Variants in RICTOR observed in about 807,000 individuals in gnomAD.
RICTOR encodes RPTOR independent companion of MTOR complex 2, also known as rapamycin-insensitive companion of mTOR.
Under a neutral mutation model 214.9 loss-of-function variants are expected in RICTOR, and 49 were observed. The ratio of observed to expected loss-of-function variants is 0.23; its 90% CI spans 0.18 to 0.29. The LOEUF is 0.29. Among genes scored for constraint, RICTOR ranks in the 10% least tolerant of loss-of-function variants. The pLI is 1.00. For missense variants in RICTOR, 1,625 were observed against 2,047.0 expected, an observed-to-expected ratio of 0.79 and a Z score of 3.98; for synonymous variants, 717 against 711.3, an observed-to-expected ratio of 1.01 and a Z score of -0.13.
At chr5:38,962,837 G>C (rs765945680) in intron 17 of RICTOR, 39 bp downstream of exon 17, 10 of 1,531,250 alleles carry the variant, frequency 6.5e-6, no homozygotes, top group Non-Finnish European at 9.0e-6. Flanking sequence ...GAATTAAGAT[G>C]TTGTGTTTAA....
At chr5:38,954,528 T>C (rs1389072696) in intron 27 of RICTOR, among the ~76,000 whole-genome samples, 1 of 151,900 alleles carries the variant, frequency 6.6e-6, no homozygotes, top group Non-Finnish European at 1.5e-5. Flanking sequence ...TTACTCTACA[T>C]AACAAGTTAG....
intron 3 of RICTOR, among the ~76,000 whole-genome samples, chr5:39,013,520 G>T (rs1754706985): frequency 6.6e-6 from 1 of 152,038 alleles, no homozygotes. Flanking sequence ...AAATGATCAA[G>T]TTTTAAAAAA....
chr5:38,938,072 G>T lies in RICTOR; in HGVS notation c.*4232C>A. On this transcript the variant is annotated 3_prime_UTR_variant, in exon 38 of 38. Coordinates refer to ENST00000357387, the MANE Select transcript of RICTOR (RefSeq NM_152756.5). The stretch of plus-strand genomic sequence containing the variant: ...AATCAAGGTGAGCAAAACCATTTGG[G>T]GACAAATCTTATTTAAATTATACAC... The T allele has an allele frequency of 4.9e-6, 1 of 204,730 alleles. No homozygotes were observed. The highest frequency in any genetic ancestry group is 1.0e-5 in the Non-Finnish European group (1 of 99,992). 12.7% of individuals were successfully genotyped at this position (204,730 alleles called of 1,614,324 possible).
Position 38,990,704 on chromosome 5 carries a change from G to GATATATCATATATATGATATATATCAGAT in RICTOR, c.583+244_583+245insATCTGATATATATCATATATATGATATAT, listed in dbSNP as rs370197935. Among the ~76,000 whole-genome samples the GATATATCATATATATGATATATATCAGAT allele has an allele frequency of 5.5e-4, 25 of 45,266 alleles. 3 individuals carry two copies. Among genetic ancestry groups the GATATATCATATATATGATATATATCAGAT allele is most frequent in the African/African-American group, 1.9e-3 (25 of 13,164 alleles). 29.7% of individuals were successfully genotyped at this position (45,266 alleles called of 152,430 possible). A position where few individuals can be genotyped will look rare whatever the true frequency, so the allele number is the denominator to read the frequency against. On this transcript the variant is annotated intron_variant, in intron 7 of 37. Transcript: ENST00000357387. ...TATATCATATATATGATATATATCA[G>GATATATCATATATATGATATATATCAGAT]ATATGATATATATGATATATATCAT...
intron 3 of RICTOR, among the ~76,000 whole-genome samples, chr5:39,004,876 C>T (rs557775631): frequency 2.0e-4 from 30 of 149,442 alleles, no homozygotes; most frequent in East Asian, 6.0e-4. Flanking sequence ...CCGCCTCCCA[C>T]GTTCAAGCGA....
At chr5:39,034,332 G>A (rs1756496373) in intron 2 of RICTOR, among the ~76,000 whole-genome samples, 1 of 152,172 alleles carries the variant, frequency 6.6e-6, no homozygotes, top group Admixed American at 6.5e-5. Flanking sequence ...ATAATTTTGG[G>A]GGTGGAGCCA....
rs1299910083 is a variant in RICTOR, at chr5:39,074,355, C to G, written c.23G>C (p.Arg8Pro). Residue 8 changes from arginine (R) to proline (P), a missense_variant, in exon 1 of 38, where the codon CGC becomes CCC. Around this residue, in one of 5 missense-constraint regions of RICTOR, gnomAD observed 71 missense variants for 57.9 expected, o/e 1.23. Transcript: ENST00000357387. ...TCGTACTCGGAGGTTCTTCAGAGAG[C>G]GGCCGCGGCCGATCGCCGCCATATT... Reference protein sequence around the residue: MAAIGRGRSLKNLRVRGR... With the variant: MAAIGRGPSLKNLRVRGR... 1 of 1,536,548 alleles carries G rather than the reference C, an allele frequency of 6.5e-7. No individual in the cohort carries two copies. Among genetic ancestry groups the G allele is most frequent in the African/African-American group, 1.4e-5 (1 of 71,456 alleles).
chr5:39,050,199 A>AT (rs1554011696), intron 2 of RICTOR, among the ~76,000 whole-genome samples: 4,826 of 148,422 alleles, frequency 0.033, 125 homozygotes, highest in South Asian at 0.077. Context: ...TAAATAAATA[A>AT]ATATATATAT....
In RICTOR at chr5:38,958,474, G is replaced by A. The variant is rs746929387; in HGVS notation, c.2389C>T (p.Leu797Phe). Reference sequence around the variant, plus strand: ...AGGAGAAGCAAACCCTTGTCTCCAAGGTGGGATAACGCTGGTTTCATCTGA... The same window carrying A: ...AGGAGAAGCAAACCCTTGTCTCCAAAGTGGGATAACGCTGGTTTCATCTGA... ...LIQMKPALSH[L>F]GDKGLLLLLR... The change falls in exon 24 of 38, where the codon CTT becomes TTT. Residue 797 changes from leucine (L) to phenylalanine (F), a missense_variant. Physicochemically the swap from Leu to Phe is conservative, Grantham distance 22. This residue lies in a region of RICTOR where 1,214 missense variants were observed against 1,470.5 expected (regional missense o/e 0.83). Transcript: ENST00000357387. 1 of 1,611,646 alleles carries A rather than the reference G, an allele frequency of 6.2e-7. No homozygotes were observed. Among genetic ancestry groups the A allele is most frequent in the South Asian group, 1.1e-5 (1 of 91,036 alleles).
chr5:38,953,214 G>C (rs1748946402), intron 28 of RICTOR, 123 bp from the exon 29 acceptor site: 3 of 664,980 alleles, frequency 4.5e-6, no homozygotes, highest in Non-Finnish European at 7.8e-6. Flanking sequence ...GCCTCCTCAA[G>C]TACAAAACAT....
intron 7 of RICTOR, among the ~76,000 whole-genome samples, chr5:38,990,079 T>C (rs1283406158): frequency 6.6e-6 from 1 of 152,140 alleles, no homozygotes; most frequent in African/African-American, 2.4e-5. Flanking sequence ...TACAAAAGGT[T>C]TGGAACCACC....
chr5:38,998,883 G>A (rs897998950), intron 5 of RICTOR, among the ~76,000 whole-genome samples: 1 of 151,604 alleles, frequency 6.6e-6, no homozygotes, highest in African/African-American at 2.4e-5. Flanking sequence ...AGGCGTGGTG[G>A]TGCGCACCCG....
At chr5:38,982,445 A>T (rs1297150309) in intron 7 of RICTOR, among the ~76,000 whole-genome samples, 2 of 152,210 alleles carry the variant, frequency 1.3e-5, no homozygotes, top group Non-Finnish European at 2.9e-5. Context: ...CACACAGTTT[A>T]ATAATTTTAA....
rs536695521 is a variant in RICTOR, at chr5:39,035,615, A to T, written c.98-14479T>A. ...TGGCTAACTAGAATAACCAAAGCAG[A>T]GAAGTCCTTAAAGGACCCGATGGAG... On this transcript the variant is annotated intron_variant, in intron 2 of 37. Transcript: ENST00000357387. 5.9e-5 allele frequency among the ~76,000 whole-genome samples: 9 copies of T among 152,370 alleles called. No individual in the cohort carries two copies. In the East Asian group the frequency reaches 1.7e-3, roughly 29 times the overall value.
At chr5:38,977,592 C>CTTTTTT (rs34467191) in intron 9 of RICTOR, among the ~76,000 whole-genome samples, 3 of 83,220 alleles carry the variant, frequency 3.6e-5, no homozygotes, top group Non-Finnish European at 4.5e-5. Context: ...TATGAAACCA[C>CTTTTTT]TTTTTTTTTT....
At chr5:38,945,275 A>C in intron 34 of RICTOR, 1 of 609,684 alleles carries the variant, frequency 1.6e-6, no homozygotes, top group Admixed American at 3.1e-5. Flanking sequence ...ACAGTGGAAA[A>C]GACCTAATCC....
At chr5:38,991,252 C>A (rs1752753540) in intron 6 of RICTOR, among the ~76,000 whole-genome samples, 177 bp from the exon 7 acceptor site, 1 of 152,048 alleles carries the variant, frequency 6.6e-6, no homozygotes, top group South Asian at 2.1e-4. Context: ...ATTGATGTAA[C>A]AAATGTTAAT....
intron 2 of RICTOR, among the ~76,000 whole-genome samples, chr5:39,055,265 C>T (rs941719200): frequency 2.6e-5 from 4 of 152,122 alleles, no homozygotes; most frequent in African/African-American, 9.7e-5. Flanking sequence ...TCTCATTCAT[C>T]AAGCACTAGC....
chr5:39,044,068 A>C (rs1218911953), intron 2 of RICTOR, among the ~76,000 whole-genome samples: 1 of 152,178 alleles, frequency 6.6e-6, no homozygotes, highest in African/African-American at 2.4e-5. Flanking sequence ...TGACTTTTAC[A>C]CAATGTATAC....
Sources: gnomAD v4.1 joint callset for allele counts (sites outside exome capture counted in the v4.1 genomes callset) on GRCh38, gnomAD v4.1.1 for gene constraint, gnomAD v4.1.1 regional missense constraint, MANE v1.5 for transcripts, NCBI Gene and HGNC (gene_info 2026-07-23, HGNC 2026-07-21) for gene names.